The following MYO1D variants were observed in gnomAD, a reference collection of about 807,000 sequenced individuals.
MYO1D encodes myosin ID, also known as unconventional myosin-Id.
A neutral mutation model predicts 122.0 loss-of-function variants in MYO1D; 83 were observed. The ratio of observed to expected loss-of-function variants is 0.68; its 90% confidence interval spans 0.57 to 0.82. The LOEUF (loss-of-function observed/expected upper bound fraction) is 0.82. MYO1D is among the 40% of genes least tolerant of loss of function. The probability of loss-of-function intolerance (pLI) is 0.00; values close to 1 mark genes in which losing one functional copy is unlikely to be tolerated. For missense variants in MYO1D, 1,157 were observed against 1,269.5 expected (o/e 0.91, Z 1.35); for synonymous variants, 464 against 446.9 (o/e 1.04, Z -0.48).
At chr17:32,578,721 TAG>T (rs1402317675) in intron 21 of MYO1D, among the ~76,000 whole-genome samples, 1 of 152,248 alleles carries the variant, frequency 6.6e-6, no homozygotes, top group Non-Finnish European at 1.5e-5. Flanking sequence ...GCTCTAGGGC[TAG>T]GTCTCCTTTA....
chr17:32,511,482 C>T (rs1218341127), intron 21 of MYO1D, among the ~76,000 whole-genome samples: 1 of 152,112 alleles, frequency 6.6e-6, no homozygotes, highest in Admixed American at 6.5e-5. Context: ...GCTGAGATTA[C>T]AGGCCAGAGC....
intron 21 of MYO1D, among the ~76,000 whole-genome samples, chr17:32,530,359 T>C (rs1910470273): frequency 6.6e-6 from 1 of 152,222 alleles, no homozygotes; most frequent in Non-Finnish European, 1.5e-5. Flanking sequence ...CAACAAATGC[T>C]GTAATGTAGA....
chr17:32,546,573 C>G (rs2086966598), intron 21 of MYO1D, among the ~76,000 whole-genome samples: 1 of 152,230 alleles, frequency 6.6e-6, no homozygotes, highest in African/African-American at 2.4e-5. Flanking sequence ...TGGCTGCTTT[C>G]CAGCACCTTT....
At chr17:32,820,049 C>G (rs2090646846) in intron 1 of MYO1D, among the ~76,000 whole-genome samples, 1 of 152,106 alleles carries the variant, frequency 6.6e-6, no homozygotes, top group South Asian at 2.1e-4. Context: ...AGACGGGAGA[C>G]AGGAATCAAG....
intron 20 of MYO1D, among the ~76,000 whole-genome samples, chr17:32,622,345 A>G (rs2087864114): frequency 6.6e-6 from 1 of 152,054 alleles, no homozygotes; most frequent in East Asian, 1.9e-4. Flanking sequence ...TCAACCATCA[A>G]CACTCATTTA....
intron 8 of MYO1D, among the ~76,000 whole-genome samples, chr17:32,762,873 A>G (rs2090015823): frequency 1.8e-5 from 2 of 113,652 alleles, no homozygotes; most frequent in South Asian, 6.5e-4. Flanking sequence ...CACCGTCTCA[A>G]AAAAAAAAGA....
chr17:32,862,817 C>T (rs1475736513), intron 1 of MYO1D: 1 of 152,184 alleles, frequency 6.6e-6, no homozygotes, highest in Non-Finnish European at 1.5e-5. Context: ...CAGTGATAGT[C>T]CATTTAGTTT....
At chr17:32,638,481 A>T (rs917154858) in intron 20 of MYO1D, among the ~76,000 whole-genome samples, 1 of 152,274 alleles carries the variant, frequency 6.6e-6, no homozygotes, top group East Asian at 1.9e-4. Context: ...TCAGGAATAG[A>T]GAAAGATCAC....
intron 1 of MYO1D, among the ~76,000 whole-genome samples, chr17:32,781,790 C>T (rs941536450): frequency 2.0e-5 from 3 of 149,910 alleles, no homozygotes; most frequent in Non-Finnish European, 4.4e-5. Flanking sequence ...TGCAATTGTG[C>T]AACTTTATGT....
intron 16 of MYO1D, among the ~76,000 whole-genome samples, chr17:32,677,580 AATATATATATATATATATATAT>A (rs10523328): frequency 0.58 from 79,471 of 136,112 alleles, 23,649 homozygotes; most frequent in Non-Finnish European, 0.67. Flanking sequence ...TAGATAGATA[AATATATATATATATATATATAT>A]ATATATATAT....
At chr17:32,708,441 C>G (rs988319711) in intron 16 of MYO1D, among the ~76,000 whole-genome samples, 1 of 152,114 alleles carries the variant, frequency 6.6e-6, no homozygotes, top group Admixed American at 6.5e-5. Flanking sequence ...ATCAGTATAG[C>G]TATTTTTATT....
At chr17:32,500,865 C>T (rs1222963536) in intron 21 of MYO1D, among the ~76,000 whole-genome samples, 9 of 152,066 alleles carry the variant, frequency 5.9e-5, no homozygotes, top group Non-Finnish European at 8.8e-5. Context: ...AAAAATTAGC[C>T]GGGCATGGTG....
chr17:32,798,009 T>A (rs1321680473), intron 1 of MYO1D, among the ~76,000 whole-genome samples: 1 of 152,228 alleles, frequency 6.6e-6, no homozygotes, highest in Non-Finnish European at 1.5e-5. Flanking sequence ...AATACGTTTA[T>A]GCCAATCATT....
intron 1 of MYO1D, among the ~76,000 whole-genome samples, chr17:32,869,204 G>A (rs1447493358): frequency 2.0e-5 from 3 of 151,140 alleles, no homozygotes; most frequent in Non-Finnish European, 2.9e-5. Flanking sequence ...GGGCAACAGA[G>A]CGAGGCCCTG....
chr17:32,601,698 G>T (rs547493492), intron 21 of MYO1D, among the ~76,000 whole-genome samples: 2 of 152,206 alleles, frequency 1.3e-5, no homozygotes, highest in Non-Finnish European at 2.9e-5. Flanking sequence ...GAGACATAAA[G>T]TGAGCATATG....
chr17:32,669,777 G>A (rs543541295), intron 16 of MYO1D, among the ~76,000 whole-genome samples: 12 of 152,224 alleles, frequency 7.9e-5, no homozygotes, highest in Admixed American at 2.0e-4. Flanking sequence ...GAAAGCTATT[G>A]TGTATAAAGC....
intron 1 of MYO1D, among the ~76,000 whole-genome samples, chr17:32,783,602 C>T (rs1311183018): frequency 1.3e-5 from 2 of 152,206 alleles, no homozygotes; most frequent in African/African-American, 4.8e-5. Context: ...AAATACAATG[C>T]TTCAGCAATT....
At chr17:32,668,627 A>G (rs191403779) in intron 16 of MYO1D, among the ~76,000 whole-genome samples, 21 of 152,334 alleles carry the variant, frequency 1.4e-4, no homozygotes, top group Non-Finnish European at 2.4e-4. Context: ...TAAGTTTGGA[A>G]AAGCTACATA....
At chr17:32,695,742 G>A (rs985524101) in intron 16 of MYO1D, among the ~76,000 whole-genome samples, 2 of 152,204 alleles carry the variant, frequency 1.3e-5, no homozygotes, top group Non-Finnish European at 2.9e-5. Context: ...TAAGGATGTA[G>A]AAGAATAAAA....
Sources: gnomAD v4.1 joint callset for allele counts (sites outside exome capture counted in the v4.1 genomes callset) on GRCh38, gnomAD v4.1.1 for gene constraint, MANE v1.5 for transcripts, NCBI Gene and HGNC (gene_info 2026-07-23, HGNC 2026-07-21) for gene names.